CD163: variants seen among roughly 807,000 people sequenced by gnomAD.
The protein encoded by CD163 is scavenger receptor cysteine-rich type 1 protein M130.
In CD163, 64 loss-of-function variants were observed where a neutral mutation model predicts 129.2. That is an observed-to-expected ratio of 0.50 (90% CI 0.41 to 0.61). The LOEUF (loss-of-function observed/expected upper bound fraction) is 0.61. Among genes scored for constraint, CD163 ranks in the 20% least tolerant of loss-of-function variants. The pLI is 0.00. For synonymous variants in CD163, 446 were observed against 478.5 expected (o/e 0.93, Z 0.89); for missense variants, 1,061 against 1,377.9 (o/e 0.77, Z 3.64).
chr12:7,498,227 G>A (rs188056892), intron 4 of CD163, among the ~76,000 whole-genome samples: 306 of 152,006 alleles, frequency 2.0e-3, no homozygotes, highest in African/African-American at 6.3e-3. Flanking sequence ...GTTCTCTGGG[G>A]TTCAAGACAC....
chr12:7,480,436 A>C (rs1472116663), intron 15 of CD163: 1 of 152,764 alleles, frequency 6.5e-6, no homozygotes, highest in South Asian at 2.1e-4. Flanking sequence ...TTCTCATGCA[A>C]TAAAGATATT....
intron 11 of CD163, 166 bp from the exon 12 acceptor site, chr12:7,483,841 A>ATATATTTTTTTTT (rs1442991429): frequency 9.1e-6 from 1 of 110,030 alleles, no homozygotes; most frequent in African/African-American, 3.8e-5. Context: ...ATATATATAT[A>ATATATTTTTTTTT]TTTTTTTTTT....
At chr12:7,477,830 T>C (rs1467769728) in intron 16 of CD163, among the ~76,000 whole-genome samples, 2 of 152,208 alleles carry the variant, frequency 1.3e-5, no homozygotes, top group Non-Finnish European at 2.9e-5. Context: ...CAGTGATTAC[T>C]CTTTCAGGGA....
chr12:7,483,832 T>TATATATATAC, intron 11 of CD163, 157 bp from the exon 12 acceptor site: 4 of 44,300 alleles, frequency 9.0e-5, no homozygotes, highest in African/African-American at 1.3e-4. Context: ...TATGTATATA[T>TATATATATAC]ATATATATAT....
In CD163 at chr12:7,486,491, TA is replaced by T; in HGVS notation, c.2458+7del. The T allele has an allele frequency of 6.2e-7, 1 of 1,610,702 alleles. No homozygotes were observed. The highest frequency in any genetic ancestry group is 8.5e-7 in the Non-Finnish European group (1 of 1,177,754). ...TAATTATGACCAAAGGTCATATGCA[TA>T]ATTTACCTGAGCAGATAACTCCCGC... is the stretch of plus-strand genomic sequence containing the variant. On this transcript the variant is annotated splice_region_variant and intron_variant, in intron 10 of 16. Transcript: ENST00000432237.
Position 7,501,215 on chromosome 12 carries a change from A to G in CD163, c.381T>C (p.Leu127=). The G allele has an allele frequency of 6.2e-7, 1 of 1,614,206 alleles. No individual in the cohort carries two copies. The highest frequency in any genetic ancestry group is 8.5e-7 in the Non-Finnish European group (1 of 1,180,026). ...HVSCRGNESA[L]WDCKHDGWGK... is the part of the protein sequence containing the mutation. The stretch of plus-strand genomic sequence containing the variant: ...CCCATCCATCATGTTTGCAATCCCA[A>G]AGAGCTGACTCATTCCCACGACAAG... The change falls in exon 3 of 17, where the codon CTT becomes CTC. Residue 127 remains leucine, a synonymous_variant. Transcript: ENST00000432237.
At chr12:7,499,300 T>G in intron 3 of CD163, 112 bp from the exon 4 acceptor site, 7 of 908,822 alleles carry the variant, frequency 7.7e-6, no homozygotes, top group Non-Finnish European at 1.2e-5. Flanking sequence ...AAATGGTGCC[T>G]GATTTTGGAC....
chr12:7,487,529 C>T lies in CD163; in HGVS notation c.1880G>A (p.Gly627Glu), dbSNP rs765023451. The stretch of plus-strand genomic sequence containing the variant: ...TCCTCCTGGGGTAGAAAGGGCAACT[C>T]CACATTTAAGCTGCTGGCAAAGAAC... ...AHVLCQQLKC[G>E]VALSTPGGAR... is the part of the protein sequence containing the mutation. The change falls in exon 8 of 17, where the codon GGA becomes GAA. Residue 627 changes from glycine (G) to glutamate (E), a missense_variant. Coordinates refer to ENST00000432237, the MANE Select transcript of CD163 (RefSeq NM_203416.4). This position sits in a 1 kb window ranked among gnomAD's most constrained non-coding sequence, Gnocchi z 5.1. The T allele has an allele frequency of 1.2e-6, 2 of 1,614,140 alleles. No individual in the cohort carries two copies. Among genetic ancestry groups the T allele is most frequent in the Non-Finnish European group, 1.7e-6 (2 of 1,180,036 alleles).
chr12:7,501,190 C>A lies in CD163; in HGVS notation c.406G>T (p.Gly136Ter), dbSNP rs1433982335. The A allele has an allele frequency of 6.2e-7, 1 of 1,614,144 alleles. No homozygotes were observed. Among genetic ancestry groups the A allele is most frequent in the Admixed American group, 1.7e-5 (1 of 60,014 alleles). ...TGGTGAGTACAGTTACTATGCTTTC[C>A]CCATCCATCATGTTTGCAATCCCAA... ...ALWDCKHDGW[G>*]KHSNCTHQQD... The change falls in exon 3 of 17, where the codon GGA (glycine) becomes TGA (stop). Residue 136 changes from glycine to a stop codon, truncating the protein, a stop_gained. Transcript: ENST00000432237. LOFTEE classifies it high-confidence loss of function.
chr12:7,481,390 C>G (rs1342682373), intron 14 of CD163, 134 bp from the exon 15 acceptor site: 1 of 643,170 alleles, frequency 1.6e-6, no homozygotes, highest in Non-Finnish European at 2.8e-6. Flanking sequence ...ATTCTACTAC[C>G]AAGCTCTTCC....
intron 2 of CD163, among the ~76,000 whole-genome samples, chr12:7,502,102 C>A (rs940700760): frequency 1.3e-5 from 2 of 152,154 alleles, no homozygotes; most frequent in Admixed American, 1.3e-4. Flanking sequence ...TCCCACCAAC[C>A]TGGCATCTCT....
intron 14 of CD163, among the ~76,000 whole-genome samples, chr12:7,481,769 T>C (rs1949165531): frequency 6.6e-6 from 1 of 152,310 alleles, no homozygotes; most frequent in East Asian, 1.9e-4. Context: ...AAGAACTTCA[T>C]AATTTGTGCC....
Position 7,487,959 on chromosome 12 carries a change from T to C in CD163, c.1549A>G (p.Arg517Gly). 2 of 1,614,132 alleles carry C rather than the reference T, an allele frequency of 1.2e-6. No individual in the cohort carries two copies. Among genetic ancestry groups the C allele is most frequent in the African/African-American group, 1.3e-5 (1 of 75,020 alleles). ...FSLEAASVLC[R>G]ELQCGTVVSI... ...ACAACTGTGCCACACTGTAATTCCC[T>C]GCATAGAACGCTGGCAGCTTCCAGA... is the stretch of plus-strand genomic sequence containing the variant. Residue 517 changes from arginine (R) to glycine (G), a missense_variant, in exon 7 of 17, where the codon AGG becomes GGG. Transcript: ENST00000432237. The surrounding 1 kb of genome is among the most constrained non-coding windows in gnomAD (Gnocchi z 5.1).
At position 7,487,735 on chromosome 12, in the gene CD163, A is replaced by C; in HGVS notation, c.1735+38T>G. ...GACTCCCTAACCCTGTCCCTTTCACAGTATGAGAACCAATTAAAGATGTTT... is the reference window on the plus strand; with the variant it reads ...GACTCCCTAACCCTGTCCCTTTCACCGTATGAGAACCAATTAAAGATGTTT... On this transcript the variant is annotated intron_variant, in intron 7 of 16. Coordinates refer to ENST00000432237, the MANE Select transcript of CD163 (RefSeq NM_203416.4). This position sits in a 1 kb window ranked among gnomAD's most constrained non-coding sequence, Gnocchi z 5.1. The C allele has an allele frequency of 6.2e-7, 1 of 1,614,044 alleles. No individual in the cohort carries two copies. Among genetic ancestry groups the C allele is most frequent in the Non-Finnish European group, 8.5e-7 (1 of 1,180,016 alleles).
At chr12:7,489,913 G>A (rs1949304800) in intron 6 of CD163, among the ~76,000 whole-genome samples, 1 of 151,994 alleles carries the variant, frequency 6.6e-6, no homozygotes, top group Non-Finnish European at 1.5e-5. Flanking sequence ...GCCTAAAGAT[G>A]CTTGGGCATG....
At chr12:7,475,082 T>A (rs185137862) in intron 16 of CD163, among the ~76,000 whole-genome samples, 1 of 82,566 alleles carries the variant, frequency 1.2e-5, no homozygotes, top group Non-Finnish European at 2.2e-5. Context: ...AGGCAGTAAG[T>A]AATAGCCTAC....
chr12:7,488,006 G>C lies in CD163; in HGVS notation c.1502C>G (p.Ser501Cys). 1 of 1,614,134 alleles carries C rather than the reference G, an allele frequency of 6.2e-7. No individual in the cohort carries two copies. Among genetic ancestry groups the C allele is most frequent in the African/African-American group, 1.3e-5 (1 of 75,048 alleles). ...CAGAGAGAAGTCCGAATCACAGATGGAGCCCCACGTGTCACCATGCTTCAC... is the reference window on the plus strand; with the variant it reads ...CAGAGAGAAGTCCGAATCACAGATGCAGCCCCACGTGTCACCATGCTTCAC... ...VEVKHGDTWG[S>C]ICDSDFSLEA... Residue 501 changes from serine to cysteine, a missense_variant, in exon 7 of 17, where the codon TCC (serine) becomes TGC (cysteine). Physicochemically the swap from Ser to Cys is moderately radical, Grantham distance 112. Transcript: ENST00000432237.
At chr12:7,489,816 C>T (rs1949303765) in intron 6 of CD163, among the ~76,000 whole-genome samples, 1 of 151,960 alleles carries the variant, frequency 6.6e-6, no homozygotes, top group South Asian at 2.1e-4. Context: ...GTGATAAACA[C>T]TAATTCTTTA....
Position 7,487,570 on chromosome 12 carries a change from G to A in CD163, c.1839C>T (p.Asp613=), listed in dbSNP as rs1188932558. The change falls in exon 8 of 17, where the codon GAC becomes GAT. Residue 613 remains aspartate (D), a synonymous_variant. Transcript: ENST00000432237. The surrounding 1 kb of genome is among the most constrained non-coding windows in gnomAD (Gnocchi z 5.1). ...AWGSLCNSHW[D]IEDAHVLCQQ... is the part of the protein sequence containing the mutation. ...GGCAAAGAACATGGGCATCTTCTAT[G>A]TCCCAGTGAGAGTTACAGAGGGATC... 1 of 1,614,046 alleles carries A rather than the reference G, an allele frequency of 6.2e-7. No homozygotes were observed. The highest frequency in any genetic ancestry group is 1.1e-5 in the South Asian group (1 of 91,062).
Sources: allele counts gnomAD v4.1 joint callset (sites outside exome capture counted in the v4.1 genomes callset), GRCh38; gene constraint gnomAD v4.1.1; non-coding constraint Gnocchi (gnomAD v3.1); transcripts MANE v1.5; gene names NCBI Gene and HGNC (gene_info 2026-07-23, HGNC 2026-07-21).